Variants in FCSK observed in about 807,000 individuals in gnomAD.
FCSK encodes the protein L-fucose kinase.
In FCSK, 123 loss-of-function variants were observed where a neutral mutation model predicts 122.5. That is an observed-to-expected ratio of 1.00 (90% CI 0.87 to 1.17). The LOEUF (loss-of-function observed/expected upper bound fraction) is 1.17. Among genes scored for constraint, FCSK ranks in the 50% most tolerant of loss-of-function variants. The pLI is 0.00. For missense variants in FCSK, 1,366 were observed against 1,450.4 expected (o/e 0.94, Z 0.95); for synonymous variants, 620 against 625.5 (o/e 0.99, Z 0.13).
At chr16:70,459,718 C>G (rs1283187961) in intron 1 of FCSK, among the ~76,000 whole-genome samples, 1 of 132,384 alleles carries the variant, frequency 7.6e-6, no homozygotes, top group African/African-American at 3.0e-5. Flanking sequence ...TGGTTTCTAA[C>G]TCTTGGGCTC....
rs774988487 is a variant in FCSK at position 70,479,699 on chromosome 16, A to C, written c.*19A>C. On this transcript the variant is annotated 3_prime_UTR_variant, in exon 24 of 24. Transcript: ENST00000288078. ...CCCATGAAGCTGGCTTCTCTCTGCA[A>C]CAGGAGAAAACCTGGAGCTACAGTG... 6.3e-7 allele frequency: 1 copy of C among 1,599,288 alleles called. No individual in the cohort carries two copies. Among genetic ancestry groups the C allele is most frequent in the Admixed American group, 1.7e-5 (1 of 59,562 alleles).
chr16:70,465,528 C>T (rs560422171), intron 4 of FCSK, among the ~76,000 whole-genome samples: 2 of 152,088 alleles, frequency 1.3e-5, no homozygotes, highest in African/African-American at 4.8e-5. Flanking sequence ...CATGGTGGTG[C>T]ACACCTGTAG....
Position 70,479,812 on chromosome 16 carries a change from G to C in FCSK, c.*132G>C. The C allele has an allele frequency of 1.5e-6, 1 of 661,740 alleles. No individual in the cohort carries two copies. Among genetic ancestry groups the C allele is most frequent in the Non-Finnish European group, 2.6e-6 (1 of 387,338 alleles). 41.0% of individuals were successfully genotyped at this position (661,740 alleles called of 1,614,324 possible). ...CTGCTCCCAAAGGAAGCTGACCAGAGCAAGATCTGGGCAAGCAGAGAGTGC... is the reference window on the plus strand; with the variant it reads ...CTGCTCCCAAAGGAAGCTGACCAGACCAAGATCTGGGCAAGCAGAGAGTGC... On this transcript the variant is annotated 3_prime_UTR_variant, in exon 24 of 24. Coordinates refer to ENST00000288078, the MANE Select transcript of FCSK (RefSeq NM_145059.3).
chr16:70,478,061 T>C (rs2151731928), intron 20 of FCSK: 2 of 581,508 alleles, frequency 3.4e-6, no homozygotes, highest in East Asian at 5.7e-5. Context: ...AACTCAGGCC[T>C]TGGGAATTCC....
chr16:70,473,826 C>T lies in FCSK; in HGVS notation c.1778-303C>T, dbSNP rs1039055752. ...TTGAAGCCACTCACCCAGAGCCACA[C>T]GGCTAGCTGGTGGTGAGGCTGAGAC... On this transcript the variant is annotated intron_variant, in intron 15 of 23. Transcript: ENST00000288078. This position sits in a 1 kb window ranked among gnomAD's most constrained non-coding sequence, Gnocchi z 4.9. Among the ~76,000 whole-genome samples the T allele has an allele frequency of 9.9e-5, 15 of 152,198 alleles. No individual in the cohort carries two copies. Among genetic ancestry groups the T allele is most frequent in the African/African-American group, 2.4e-4 (10 of 41,446 alleles).
At chr16:70,457,748 A>G (rs2048132793) in intron 1 of FCSK, among the ~76,000 whole-genome samples, 1 of 146,372 alleles carries the variant, frequency 6.8e-6, no homozygotes, top group African/African-American at 2.6e-5. Flanking sequence ...TAATTTTTGT[A>G]TGTGTGTGGT....
At chr16:70,469,862 TGAGACA>T (rs1327854973) in intron 10 of FCSK, among the ~76,000 whole-genome samples, 9 of 147,026 alleles carry the variant, frequency 6.1e-5, no homozygotes, top group Non-Finnish European at 1.0e-4. Context: ...TTTTTTTTTT[TGAGACA>T]GAGTATGGCT....
intron 20 of FCSK, 132 bp downstream of exon 20, chr16:70,475,899 T>A: frequency 1.0e-6 from 1 of 959,992 alleles, no homozygotes; most frequent in Non-Finnish European, 1.4e-6. Context: ...GGAAATACTT[T>A]CCTTCTAGTC....
chr16:70,473,378 G>A lies in FCSK; in HGVS notation c.1777+25G>A. On this transcript the variant is annotated intron_variant, in intron 15 of 23. Coordinates refer to ENST00000288078, the MANE Select transcript of FCSK (RefSeq NM_145059.3). This position sits in a 1 kb window ranked among gnomAD's most constrained non-coding sequence, Gnocchi z 4.9. ...GGTGAGTGTGCAGGCTGGTAGTGCTGCAGAATCAGGCCAGGGGCACCTGCC... is the reference window on the plus strand; with the variant it reads ...GGTGAGTGTGCAGGCTGGTAGTGCTACAGAATCAGGCCAGGGGCACCTGCC... The A allele has an allele frequency of 6.8e-7, 1 of 1,467,726 alleles. No individual in the cohort carries two copies. Among genetic ancestry groups the A allele is most frequent in the Non-Finnish European group, 9.1e-7 (1 of 1,104,530 alleles). 90.9% of individuals were successfully genotyped at this position (1,467,726 alleles called of 1,614,324 possible).
At chr16:70,462,357 A>AT (rs2048292770) in intron 1 of FCSK, 1 of 151,358 alleles carries the variant, frequency 6.6e-6, no homozygotes, top group East Asian at 2.0e-4. Flanking sequence ...ATAGGGTCTT[A>AT]TTCTGTGACC....
At position 70,454,609 on chromosome 16, in the gene FCSK, G is replaced by C. The variant is rs578024710; in HGVS notation, c.-44G>C. On this transcript the variant is annotated 5_prime_UTR_variant, in exon 1 of 24. Coordinates refer to ENST00000288078, the MANE Select transcript of FCSK (RefSeq NM_145059.3). ...AGCCTCGCGTTAAAGAGCCCGCTCCGCCGAGCGCCGGGCGACGGCAGGTAC... is the reference window on the plus strand; with the variant it reads ...AGCCTCGCGTTAAAGAGCCCGCTCCCCCGAGCGCCGGGCGACGGCAGGTAC... The C allele has an allele frequency of 6.6e-6, 1 of 152,212 alleles. No homozygotes were observed. The highest frequency in any genetic ancestry group is 6.5e-5 in the Admixed American group (1 of 15,284). The allele number at this position is 152,212 out of a possible 1,614,324, so 9.4% of individuals were successfully genotyped here.
chr16:70,468,319 T>C (rs1364160702), intron 8 of FCSK, among the ~76,000 whole-genome samples: 2 of 152,040 alleles, frequency 1.3e-5, no homozygotes, highest in African/African-American at 4.8e-5. Flanking sequence ...ACTTGAGAGG[T>C]AGAGGCTCGA....
Position 70,474,272 on chromosome 16 carries a change from C to G in FCSK, c.1921C>G (p.Leu641Val). Residue 641 changes from leucine (L) to valine (V), a missense_variant, in exon 16 of 24, where the codon CTG becomes GTG. Coordinates refer to ENST00000288078, the MANE Select transcript of FCSK (RefSeq NM_145059.3). ...NPEWMRPFSY[L>V]ECGDLAAGVE... ...TGAGTGGATGCGGCCCTTCTCATAC[C>G]TGGAGTGTGGAGACCTGGCAGCGGG... 6.2e-7 allele frequency: 1 copy of G among 1,613,308 alleles called. No homozygotes were observed. Among genetic ancestry groups the G allele is most frequent in the Non-Finnish European group, 8.5e-7 (1 of 1,179,894 alleles).
Position 70,478,260 on chromosome 16 carries a change from C to T in FCSK, c.2642-12C>T, listed in dbSNP as rs765561558. 2 of 1,613,274 alleles carry T rather than the reference C, an allele frequency of 1.2e-6. No individual in the cohort carries two copies. The highest frequency in any genetic ancestry group is 1.7e-5 in the Admixed American group (1 of 59,984). ...AGATAGACTCCAACAGTGACAGTCCCTGGGCTCACAGGAGGTGGCTGGCAG... is the reference window on the plus strand; with the variant it reads ...AGATAGACTCCAACAGTGACAGTCCTTGGGCTCACAGGAGGTGGCTGGCAG... On this transcript the variant is annotated splice_polypyrimidine_tract_variant and intron_variant, in intron 20 of 23. Transcript: ENST00000288078.
At chr16:70,475,092 GGTCTGGCCTGAGGGCCAGCCA>G in intron 18 of FCSK, 81 bp downstream of exon 18, 2 of 1,332,432 alleles carry the variant, frequency 1.5e-6, no homozygotes, top group South Asian at 1.4e-5. Flanking sequence ...AGGCCAGTGG[GGTCTGGCCTGAGGGCCAGCCA>G]GTCTGGCTGA....
rs775505230 is a variant in FCSK, at chr16:70,478,406, C to T, written c.2776C>T (p.His926Tyr). ...PEGFVQKLND[H>Y]LLLVYTGKTR... ...GGGCTTTGTCCAGAAGCTCAATGAC[C>T]ACCTGCTCTTGGTGTACACTGGCAA... is the stretch of plus-strand genomic sequence containing the variant. The change falls in exon 21 of 24, where the codon CAC (histidine) becomes TAC (tyrosine). Residue 926 changes from histidine (H) to tyrosine (Y), a missense_variant. His to Tyr is a moderately conservative substitution (Grantham distance 83). Coordinates refer to ENST00000288078, the MANE Select transcript of FCSK (RefSeq NM_145059.3). 4 of 1,614,058 alleles carry T rather than the reference C, an allele frequency of 2.5e-6. No individual in the cohort carries two copies. The highest frequency in any genetic ancestry group is 1.3e-5 in the African/African-American group (1 of 74,924).
rs748975276 is a variant in FCSK at position 70,478,355 on chromosome 16, G to A, written c.2725G>A (p.Glu909Lys). ...RSRAQLPLKV[E>K]VEEVTVPEGF... ...CCGGGCTCAGCTGCCACTGAAGGTG[G>A]AGGTAGAAGAGGTCACGGTGCCTGA... Residue 909 changes from glutamate to lysine, a missense_variant, in exon 21 of 24, where the codon GAG (glutamate) becomes AAG (lysine). Coordinates refer to ENST00000288078, the MANE Select transcript of FCSK (RefSeq NM_145059.3). 1.2e-6 allele frequency: 2 copies of A among 1,614,260 alleles called. No homozygotes were observed. The highest frequency in any genetic ancestry group is 8.5e-7 in the Non-Finnish European group (1 of 1,180,060).
rs767631304 is a variant in FCSK at position 70,470,372 on chromosome 16, C to T, written c.1014C>T (p.Leu338=). ...CCTCCTCAGCCAGTGAGTTCCTGCTCAGCCTCACACTCCCCGGGGCTCCTG... is the reference window on the plus strand; with the variant it reads ...CCTCCTCAGCCAGTGAGTTCCTGCTTAGCCTCACACTCCCCGGGGCTCCTG... ...YMTSSASEFL[L]SLTLPGAPGA... The change falls in exon 11 of 24, where the codon CTC becomes CTT. Residue 338 remains leucine (L), a synonymous_variant. Transcript: ENST00000288078. 9 of 1,613,922 alleles carry T rather than the reference C, an allele frequency of 5.6e-6. No homozygotes were observed. The Admixed American group carries it at 1.3e-4, about 24-fold the overall frequency.
intron 5 of FCSK, 110 bp from the exon 6 acceptor site, chr16:70,466,772 A>G: frequency 1.1e-6 from 1 of 889,948 alleles, no homozygotes; most frequent in Non-Finnish European, 1.8e-6. Context: ...GGGGCAGACC[A>G]GGTCTTGGAG....
Sources: gnomAD v4.1 joint callset for allele counts (sites outside exome capture counted in the v4.1 genomes callset) on GRCh38, gnomAD v4.1.1 for gene constraint, Gnocchi (gnomAD v3.1) non-coding constraint, MANE v1.5 for transcripts, NCBI Gene and HGNC (gene_info 2026-07-23, HGNC 2026-07-21) for gene names.